The following PCDH18 variants were observed in gnomAD, a reference collection of about 807,000 sequenced individuals.
PCDH18 encodes protocadherin-18.
In PCDH18, 38 loss-of-function variants were observed where a neutral mutation model predicts 71.5. The observed-to-expected ratio is 0.53, with a 90% CI of 0.41 to 0.70. The LOEUF (loss-of-function observed/expected upper bound fraction) is 0.70, where lower values mean the gene tolerates loss of function less well. Ranked by LOEUF, PCDH18 falls within the 30% of genes least tolerant of loss-of-function variation. PCDH18 has a pLI of 0.00. For missense variants in PCDH18, 1,334 were observed against 1,384.6 expected (o/e 0.96, Z 0.58); for synonymous variants, 565 against 505.4 (o/e 1.12, Z -1.58).
Position 137,530,723 on chromosome 4 carries a change from T to C in PCDH18, c.1366A>G (p.Asn456Asp). The C allele has an allele frequency of 6.2e-7, 1 of 1,612,982 alleles. No homozygotes were observed. The highest frequency in any genetic ancestry group is 2.2e-5 in the East Asian group (1 of 44,844). The change falls in exon 1 of 4, where the codon AAT becomes GAT. Residue 456 changes from asparagine (N) to aspartate (D), a missense_variant. By Grantham distance (23) the Asn-to-Asp change is conservative. Transcript: ENST00000344876. ...TGGGGTGGATTGTCATTGATATCAT[T>C]GATTTGAACTGTAAAATGTTTCACT... is the stretch of plus-strand genomic sequence containing the variant. ...STVKHFTVQI[N>D]DINDNPPHFQ...
In PCDH18 at chr4:137,532,134, A is replaced by G; in HGVS notation, c.-46T>C. 1 of 1,464,256 alleles carries G rather than the reference A, an allele frequency of 6.8e-7. No homozygotes were observed. Among genetic ancestry groups the G allele is most frequent in the Non-Finnish European group, 9.6e-7 (1 of 1,044,764 alleles). The allele number at this position is 1,464,256 out of a possible 1,614,324, so 90.7% of individuals were successfully genotyped here. ...CCTCACAGAGCAAGTTAAAACAGCA[A>G]AGCAATTGCCTCAACTTCCTTTGGC... On this transcript the variant is annotated 5_prime_UTR_variant, in exon 1 of 4. Coordinates refer to ENST00000344876, the MANE Select transcript of PCDH18 (RefSeq NM_019035.5).
Position 137,531,944 on chromosome 4 carries a change from C to G in PCDH18, c.145G>C (p.Glu49Gln). The stretch of plus-strand genomic sequence containing the variant: ...TTCAATAAAACATCAGCCACATCCT[C>G]TGATAGTCTTGCAATTACTGATCCA... ...RVGSVIARLS[E>Q]DVADVLLKLP... Residue 49 changes from glutamate to glutamine, a missense_variant, in exon 1 of 4, where the codon GAG becomes CAG. Physicochemically the swap from Glu to Gln is conservative, Grantham distance 29. Around this residue, in one of 3 missense-constraint regions of PCDH18, gnomAD observed 1,011 missense variants for 1,048.0 expected, o/e 0.96. Coordinates refer to ENST00000344876, the MANE Select transcript of PCDH18 (RefSeq NM_019035.5). 1 of 1,614,154 alleles carries G rather than the reference C, an allele frequency of 6.2e-7. No homozygotes were observed. Among genetic ancestry groups the G allele is most frequent in the Non-Finnish European group, 8.5e-7 (1 of 1,180,016 alleles).
At chr4:137,526,485 G>C (rs1731463923) in intron 3 of PCDH18, among the ~76,000 whole-genome samples, 1 of 152,080 alleles carries the variant, frequency 6.6e-6, no homozygotes, top group East Asian at 1.9e-4. Context: ...GTACGAATAA[G>C]AAAACTGATT....
At position 137,521,346 on chromosome 4, in the gene PCDH18, G is replaced by A. The variant is rs376708575; in HGVS notation, c.3091C>T (p.Arg1031Trp). 2 of 1,614,044 alleles carry A rather than the reference G, an allele frequency of 1.2e-6. No individual in the cohort carries two copies. Among genetic ancestry groups the A allele is most frequent in the African/African-American group, 1.3e-5 (1 of 74,932 alleles). ...TTCCTGCGCTCCAGGGAGTTGGACC[G>A]ATCCACCTCACTGCATTCAGAATAG... ...DTYSECSEVD[R>W]SNSLERRKGP... is the part of the protein sequence containing the mutation. Residue 1031 changes from arginine (R) to tryptophan (W), a missense_variant, in exon 4 of 4, where the codon CGG becomes TGG. Arg to Trp is a moderately radical substitution (Grantham distance 101). This residue lies in a region of PCDH18 where 319 missense variants were observed against 316.3 expected (regional missense o/e 1.01). Transcript: ENST00000344876.
In PCDH18 at chr4:137,519,522, A is replaced by C. The variant is rs1253793636; in HGVS notation, c.*1507T>G. On this transcript the variant is annotated 3_prime_UTR_variant, in exon 4 of 4. Coordinates refer to ENST00000344876, the MANE Select transcript of PCDH18 (RefSeq NM_019035.5). Reference sequence around the variant, plus strand: ...ATGGCTTACTACTTTCATTCCCATTACAAGTCTCAAACTCATTCCTTTTCC... The same window carrying C: ...ATGGCTTACTACTTTCATTCCCATTCCAAGTCTCAAACTCATTCCTTTTCC... 1 of 152,104 alleles carries C rather than the reference A, an allele frequency of 6.6e-6. No homozygotes were observed. Among genetic ancestry groups the C allele is most frequent in the African/African-American group, 2.4e-5 (1 of 41,412 alleles). 9.4% of individuals were successfully genotyped at this position (152,104 alleles called of 1,614,324 possible). A position where few individuals can be genotyped will look rare whatever the true frequency, so the allele number is the denominator to read the frequency against.
At position 137,531,350 on chromosome 4, in the gene PCDH18, C is replaced by A; in HGVS notation, c.739G>T (p.Glu247Ter). 1 of 1,613,842 alleles carries A rather than the reference C, an allele frequency of 6.2e-7. No individual in the cohort carries two copies. The highest frequency in any genetic ancestry group is 8.5e-7 in the Non-Finnish European group (1 of 1,179,978). Reference sequence around the variant, plus strand: ...AGTTGTATTATATAAGATTGCTGCTCAAAAGCAGGGCTGTTGTCATTGGAG... The same window carrying A: ...AGTTGTATTATATAAGATTGCTGCTAAAAAGCAGGGCTGTTGTCATTGGAG... ...SDSNDNSPAF[E>*]QQSYIIQLLE... is the part of the protein sequence containing the mutation. The change falls in exon 1 of 4, where the codon GAG (glutamate) becomes TAG (stop). Residue 247 changes from glutamate to a stop codon, truncating the protein, a stop_gained. Transcript: ENST00000344876. LOFTEE classifies it high-confidence loss of function.
At position 137,521,676 on chromosome 4, in the gene PCDH18, C is replaced by T. The variant is rs1310334673; in HGVS notation, c.2761G>A (p.Glu921Lys). Residue 921 changes from glutamate to lysine, a missense_variant, in exon 4 of 4, where the codon GAG becomes AAG. By Grantham distance (56) the Glu-to-Lys change is moderately conservative. Transcript: ENST00000344876. The part of the protein sequence containing the change: ...IPAAMRLCTE[E>K]CRVLGHSDQC... The stretch of plus-strand genomic sequence containing the variant: ...TCAGAGTGTCCCAGGACCCTGCACT[C>T]CTCCGTGCAGAGTCTCATAGCTGCA... The T allele has an allele frequency of 1.3e-5, 21 of 1,606,892 alleles. No individual in the cohort carries two copies. Among genetic ancestry groups the T allele is most frequent in the Non-Finnish European group, 1.8e-5 (21 of 1,178,204 alleles).
Position 137,521,412 on chromosome 4 carries a change from T to C in PCDH18, c.3025A>G (p.Ser1009Gly). Residue 1009 changes from serine to glycine, a missense_variant, in exon 4 of 4, where the codon AGC becomes GGC. This residue lies in a region of PCDH18 where 319 missense variants were observed against 316.3 expected (regional missense o/e 1.01). Coordinates refer to ENST00000344876, the MANE Select transcript of PCDH18 (RefSeq NM_019035.5). ...GGTAAGAGACGCTGGAACACACTGCTCATTTCCGAGAGCAGAGATGATGTG... is the reference window on the plus strand; with the variant it reads ...GGTAAGAGACGCTGGAACACACTGCCCATTTCCGAGAGCAGAGATGATGTG... ...TSTSSLLSEM[S>G]SVFQRLLPPS... The C allele has an allele frequency of 6.2e-7, 1 of 1,614,222 alleles. No homozygotes were observed. The highest frequency in any genetic ancestry group is 8.5e-7 in the Non-Finnish European group (1 of 1,180,036).
At chr4:137,522,065 C>G (rs1731317753) in intron 3 of PCDH18, among the ~76,000 whole-genome samples, 1 of 152,162 alleles carries the variant, frequency 6.6e-6, no homozygotes, top group Non-Finnish European at 1.5e-5. Flanking sequence ...AAACCTATAA[C>G]TTTAGAATGC....
Position 137,531,580 on chromosome 4 carries a change from G to C in PCDH18, c.509C>G (p.Ser170Cys), listed in dbSNP as rs757447688. ...GGCAGAGAGCGAGTATGTGTGGAGG[G>C]AATTTTCCCCAACATCTGGATCAAA... The part of the protein sequence containing the change: ...SAFDPDVGEN[S>C]LHTYSLSAND... Residue 170 changes from serine (S) to cysteine (C), a missense_variant, in exon 1 of 4, where the codon TCC becomes TGC. Transcript: ENST00000344876. 4 of 1,613,274 alleles carry C rather than the reference G, an allele frequency of 2.5e-6. No homozygotes were observed. The East Asian group carries it at 8.9e-5, about 36-fold the overall frequency.
At chr4:137,529,564 C>T (rs1731584868) in intron 1 of PCDH18, 38 bp downstream of exon 1, 4 of 1,408,056 alleles carry the variant, frequency 2.8e-6, no homozygotes, top group Non-Finnish European at 2.9e-6. Flanking sequence ...ACACTAACAC[C>T]TAACATTGCA....
At chr4:137,523,868 T>C (rs1243521923) in intron 3 of PCDH18, among the ~76,000 whole-genome samples, 1 of 152,066 alleles carries the variant, frequency 6.6e-6, no homozygotes, top group African/African-American at 2.4e-5. Context: ...GCTTTAATTA[T>C]AAAATAATAA....
chr4:137,530,583 G>A lies in PCDH18; in HGVS notation c.1506C>T (p.Tyr502=), dbSNP rs2149216064. 6.2e-7 allele frequency: 1 copy of A among 1,614,126 alleles called. No homozygotes were observed. Among genetic ancestry groups the A allele is most frequent in the South Asian group, 1.1e-5 (1 of 91,086 alleles). ...CTAGAATAAAACTCTCCAAGATGGT[G>A]TATGTCACTTGCCCATTTTCTCCAA... is the stretch of plus-strand genomic sequence containing the variant. ...PDLGENGQVT[Y]TILESFILGS... Residue 502 remains tyrosine (Y), a synonymous_variant, in exon 1 of 4, where the codon TAC becomes TAT. Coordinates refer to ENST00000344876, the MANE Select transcript of PCDH18 (RefSeq NM_019035.5).
At chr4:137,523,841 C>T (rs1731371601) in intron 3 of PCDH18, among the ~76,000 whole-genome samples, 1 of 151,900 alleles carries the variant, frequency 6.6e-6, no homozygotes, top group Admixed American at 6.6e-5. Context: ...GCAACTTCAT[C>T]CCAATAAATA....
rs758198700 is a variant in PCDH18 at position 137,521,366 on chromosome 4, G to T, written c.3071C>A (p.Ser1024Tyr). ...GGACCGATCCACCTCACTGCATTCA[G>T]AATAGGTGTCCAGGGAAGGCGGTAA... Reference protein sequence around the residue: ...RLLPPSLDTYSECSEVDRSNS... With the variant: ...RLLPPSLDTYYECSEVDRSNS... Residue 1024 changes from serine (S) to tyrosine (Y), a missense_variant, in exon 4 of 4, where the codon TCT (serine) becomes TAT (tyrosine). Coordinates refer to ENST00000344876, the MANE Select transcript of PCDH18 (RefSeq NM_019035.5). 1.2e-6 allele frequency: 2 copies of T among 1,614,180 alleles called. No homozygotes were observed. Among genetic ancestry groups the T allele is most frequent in the South Asian group, 2.2e-5 (2 of 91,082 alleles).
intron 1 of PCDH18, chr4:137,529,098 T>G (rs570113480): frequency 2.4e-6 from 1 of 413,956 alleles, no homozygotes; most frequent in Non-Finnish European, 4.3e-6. Context: ...TTCTTTATAA[T>G]TCAGACAAAG....
At chr4:137,526,226 T>C (rs1004966522) in intron 3 of PCDH18, among the ~76,000 whole-genome samples, 1 of 151,962 alleles carries the variant, frequency 6.6e-6, no homozygotes, top group Non-Finnish European at 1.5e-5. Flanking sequence ...GATCATTTAA[T>C]CCCCAAAATA....
In PCDH18 at chr4:137,521,505, C is replaced by G; in HGVS notation, c.2932G>C (p.Glu978Gln). Residue 978 changes from glutamate (E) to glutamine (Q), a missense_variant, in exon 4 of 4, where the codon GAA (glutamate) becomes CAA (glutamine). Around this residue, in one of 3 missense-constraint regions of PCDH18, gnomAD observed 319 missense variants for 316.3 expected, o/e 1.01. Coordinates refer to ENST00000344876, the MANE Select transcript of PCDH18 (RefSeq NM_019035.5). ...AAGGTGGAAAAACTCTTCTTCTTTT[C>G]ACCGGAATCTGCAGGCTGAGCGTCA... ...EDDAQPADSG[E>Q]KKKSFSTFGK... The G allele has an allele frequency of 6.2e-7, 1 of 1,614,148 alleles. No homozygotes were observed. Among genetic ancestry groups the G allele is most frequent in the Non-Finnish European group, 8.5e-7 (1 of 1,180,018 alleles).
In PCDH18 at chr4:137,521,563, G is replaced by T. The variant is rs767480764; in HGVS notation, c.2874C>A (p.Pro958=). ...GACTCTGATGTGGATGCTGCTGCTG[G>T]GGTTGCGTTGGGAATTCTTCCCCTG... ...FIPGEEFPTQ[P]QQQHPHQSLE... is the part of the protein sequence containing the mutation. The change falls in exon 4 of 4, where the codon CCC becomes CCA. Residue 958 remains proline (P), a synonymous_variant. Coordinates refer to ENST00000344876, the MANE Select transcript of PCDH18 (RefSeq NM_019035.5). 3.1e-6 allele frequency: 5 copies of T among 1,614,070 alleles called. No homozygotes were observed. Among genetic ancestry groups the T allele is most frequent in the Non-Finnish European group, 4.2e-6 (5 of 1,180,030 alleles).
Sources: allele counts gnomAD v4.1 joint callset (sites outside exome capture counted in the v4.1 genomes callset), GRCh38; gene constraint gnomAD v4.1.1; regional missense constraint gnomAD v4.1.1; transcripts MANE v1.5; gene names NCBI Gene and HGNC (gene_info 2026-07-23, HGNC 2026-07-21).